TRHDE: variants seen among roughly 807,000 people sequenced by gnomAD.
TRHDE encodes the protein thyrotropin releasing hormone degrading enzyme, also known as thyrotropin-releasing hormone-degrading ectoenzyme.
Under a neutral mutation model 125.7 loss-of-function variants are expected in TRHDE, and 72 were observed. The observed-to-expected ratio is 0.57, with a 90% CI of 0.47 to 0.70. The LOEUF (loss-of-function observed/expected upper bound fraction) is 0.70. Ranked by LOEUF, TRHDE falls within the 30% of genes least tolerant of loss-of-function variation. The pLI is 0.00. For missense variants in TRHDE, 1,110 were observed against 1,327.1 expected (o/e 0.84, Z 2.54); for synonymous variants, 509 against 509.1 (o/e 1.00, Z 0.00).
chr12:72,589,028 C>T (rs1000445771), intron 12 of TRHDE, among the ~76,000 whole-genome samples: 2 of 152,186 alleles, frequency 1.3e-5, no homozygotes, highest in Non-Finnish European at 2.9e-5. Flanking sequence ...TCAATTACCT[C>T]GCACTAGGTT....
At chr12:72,442,103 G>A (rs554754545) in intron 3 of TRHDE, among the ~76,000 whole-genome samples, 1 of 151,936 alleles carries the variant, frequency 6.6e-6, no homozygotes, top group Admixed American at 6.6e-5. Flanking sequence ...GATTATTTGG[G>A]ATTTACGTTG....
At position 72,208,323 on chromosome 12, in the gene TRHDE, G is replaced by A. The variant is rs995758417; in HGVS notation, n.279+102571G>A. 9.9e-5 allele frequency among the ~76,000 whole-genome samples: 15 copies of A among 152,198 alleles called. No homozygotes were observed. The South Asian group carries it at 2.5e-3, about 25-fold the overall frequency. Reference sequence around the variant, plus strand: ...CATTTCAACTTAAACAAATGGGTTCGGAGGAGGAGGGGCAGGGCACATTCC... The same window carrying A: ...CATTTCAACTTAAACAAATGGGTTCAGAGGAGGAGGGGCAGGGCACATTCC... On this transcript the variant is annotated intron_variant and non_coding_transcript_variant, in intron 2 of 4. Transcript: ENST00000548156.
rs139250881 is a variant in TRHDE at position 72,278,888 on chromosome 12, T to C, written c.914+5331T>C. ...ACTGCGAATATTTTCTCCCATTCTA[T>C]AGGTTGTCTTTTTACTTTACTGTTT... On this transcript the variant is annotated intron_variant, in intron 1 of 18. Transcript: ENST00000261180. Among the ~76,000 whole-genome samples the C allele has an allele frequency of 2.3e-4, 35 of 152,364 alleles. 1 individual carries two copies. The East Asian group carries it at 6.6e-3, about 29-fold the overall frequency.
At chr12:72,242,491 C>G (rs983242721) in intron 2 of TRHDE, among the ~76,000 whole-genome samples, 4 of 152,142 alleles carry the variant, frequency 2.6e-5, no homozygotes, top group Non-Finnish European at 4.4e-5. Context: ...GTACAGTATT[C>G]TTTTTTCTAT....
At chr12:72,187,590 C>T (rs1368367504) in intron 2 of TRHDE, among the ~76,000 whole-genome samples, 2 of 152,014 alleles carry the variant, frequency 1.3e-5, no homozygotes, top group East Asian at 3.9e-4. Context: ...GAATCAGGAA[C>T]ACTGATGTCC....
rs138764589 is a variant in TRHDE at position 72,200,434 on chromosome 12, C to T, written n.279+94682C>T. ...AAAAGATGTGTGTTAGAATAAACAC[C>T]TGTTGACTGAGAAAACTGGTATCTC... is the stretch of plus-strand genomic sequence containing the variant. On this transcript the variant is annotated intron_variant and non_coding_transcript_variant, in intron 2 of 4. Transcript: ENST00000548156. Among the ~76,000 whole-genome samples, 147 of 152,162 alleles carry T rather than the reference C, an allele frequency of 9.7e-4. 5 individuals are homozygous for T. In the East Asian group the frequency reaches 0.027, roughly 28 times the overall value.
chr12:72,605,789 CCTT>C (rs1348682009), intron 12 of TRHDE, among the ~76,000 whole-genome samples: 1 of 151,996 alleles, frequency 6.6e-6, no homozygotes, highest in Non-Finnish European at 1.5e-5. Context: ...GAAGGTGTGT[CCTT>C]CTCTATCCAT....
At chr12:72,397,185 T>A (rs7132182) in intron 3 of TRHDE, among the ~76,000 whole-genome samples, 53,697 of 152,164 alleles carry the variant, frequency 0.35, 13,598 homozygotes, top group African/African-American at 0.7. Context: ...ATCAGAGTCA[T>A]CCTTGATTCA....
intron 3 of TRHDE, among the ~76,000 whole-genome samples, chr12:72,381,968 T>G (rs1333980733): frequency 6.6e-6 from 1 of 152,132 alleles, no homozygotes; most frequent in East Asian, 1.9e-4. Flanking sequence ...TGCCAGAATA[T>G]TATGATGTGT....
chr12:72,419,995 G>T (rs1160466317), intron 3 of TRHDE, among the ~76,000 whole-genome samples: 1 of 152,096 alleles, frequency 6.6e-6, no homozygotes, highest in East Asian at 1.9e-4. Context: ...CAAAACTGTA[G>T]TCAACAAATA....
At chr12:72,405,707 T>A (rs1284941052) in intron 3 of TRHDE, among the ~76,000 whole-genome samples, 1 of 152,358 alleles carries the variant, frequency 6.6e-6, no homozygotes, top group Non-Finnish European at 1.5e-5. Context: ...AAAGCCTTTT[T>A]TGATATTTCC....
At chr12:72,199,667 G>A (rs1360372759) in intron 2 of TRHDE, among the ~76,000 whole-genome samples, 1 of 152,142 alleles carries the variant, frequency 6.6e-6, no homozygotes, top group Admixed American at 6.5e-5. Context: ...AGGGAAGGAA[G>A]ATAAAGACAT....
At chr12:72,260,207 T>C (rs552946111) in intron 2 of TRHDE, among the ~76,000 whole-genome samples, 15 of 152,270 alleles carry the variant, frequency 9.9e-5, no homozygotes, top group African/African-American at 2.6e-4. Flanking sequence ...AACTCTTCTA[T>C]CAAGTAGGAC....
chr12:72,273,554 G>A lies in TRHDE; in HGVS notation c.911G>A (p.Arg304Lys). 1 of 1,594,284 alleles carries A rather than the reference G, an allele frequency of 6.3e-7. No individual in the cohort carries two copies. The highest frequency in any genetic ancestry group is 8.5e-7 in the Non-Finnish European group (1 of 1,175,148). The part of the protein sequence containing the change: ...FRSSYVLHGE[R>K]RFLGVTQFSP... ...AGCTCCTATGTGCTCCACGGGGAGA[G>A]AAGGTATGGAGGGAGGCGGTGCCCC... Residue 304 changes from arginine (R) to lysine (K), a missense_variant, in exon 1 of 19, where the codon AGA becomes AAA. Arg to Lys is a conservative substitution (Grantham distance 26). Around this residue, in one of 5 missense-constraint regions of TRHDE, gnomAD observed 252 missense variants for 274.8 expected, o/e 0.92. Transcript: ENST00000261180. This position sits in a 1 kb window ranked among gnomAD's most constrained non-coding sequence, Gnocchi z 5.3.
chr12:72,310,229 T>C (rs1263703636), intron 2 of TRHDE, among the ~76,000 whole-genome samples: 1 of 152,216 alleles, frequency 6.6e-6, no homozygotes, highest in Non-Finnish European at 1.5e-5. Flanking sequence ...ACAATAATAG[T>C]ATCCACCTCA....
intron 6 of TRHDE, among the ~76,000 whole-genome samples, chr12:72,519,619 C>T (rs1343961576): frequency 2.6e-5 from 4 of 152,178 alleles, no homozygotes; most frequent in Admixed American, 6.5e-5. Context: ...GTAATTTGAT[C>T]ATCTGAAGCC....
chr12:72,446,521 A>C (rs1325298912), intron 3 of TRHDE, among the ~76,000 whole-genome samples: 1 of 152,054 alleles, frequency 6.6e-6, no homozygotes, highest in African/African-American at 2.4e-5. Flanking sequence ...TTAACCTTAC[A>C]TGTAAATGGG....
chr12:72,135,100 G>A (rs1875951884), intron 2 of TRHDE, among the ~76,000 whole-genome samples: 1 of 152,080 alleles, frequency 6.6e-6, no homozygotes, highest in Non-Finnish European at 1.5e-5. Context: ...GGCTCCAACA[G>A]AAAATCAGAT....
At chr12:72,429,898 A>G (rs186641058) in intron 3 of TRHDE, among the ~76,000 whole-genome samples, 12 of 152,160 alleles carry the variant, frequency 7.9e-5, no homozygotes, top group Non-Finnish European at 1.2e-4. Context: ...TATATTCTAC[A>G]TAGAAGTCCC....
Sources: gnomAD v4.1 joint callset for allele counts (sites outside exome capture counted in the v4.1 genomes callset) on GRCh38, gnomAD v4.1.1 for gene constraint, gnomAD v4.1.1 regional missense constraint, Gnocchi (gnomAD v3.1) non-coding constraint, MANE v1.5 for transcripts, NCBI Gene and HGNC (gene_info 2026-07-23, HGNC 2026-07-21) for gene names.